STOX2: variants seen among roughly 807,000 people sequenced by gnomAD.
STOX2 encodes the protein storkhead box 2.
Under a neutral mutation model 60.9 loss-of-function variants are expected in STOX2, and 28 were observed. That is an observed-to-expected ratio of 0.46 (90% CI 0.34 to 0.63). STOX2 has a LOEUF of 0.63. Ranked by LOEUF, STOX2 falls within the 30% of genes least tolerant of loss-of-function variation. STOX2 has a pLI of 0.01. For synonymous variants in STOX2, 472 were observed against 463.9 expected, an observed-to-expected ratio of 1.02 and a Z score of -0.22; for missense variants, 1,024 against 1,187.7, an observed-to-expected ratio of 0.86 and a Z score of 2.03.
At position 183,979,268 on chromosome 4, in the gene STOX2, C is replaced by G. The variant is rs184414814; in HGVS notation, c.167-22057C>G. Among the ~76,000 whole-genome samples, 11 of 152,280 alleles carry G rather than the reference C, an allele frequency of 7.2e-5. No homozygotes were observed. The East Asian group carries it at 1.7e-3, about 24-fold the overall frequency. ...GCTACACACTGTTAAACAACCAGAT[C>G]TCAGAATAACTCACTCACTCACTGT... On this transcript the variant is annotated intron_variant, in intron 1 of 3. Transcript: ENST00000308497.
At chr4:183,902,356 G>A (rs1741480707), upstream of STOX2, among the ~76,000 whole-genome samples, 1 of 152,180 alleles carries the variant, frequency 6.6e-6, no homozygotes, top group African/African-American at 2.4e-5. Flanking sequence ...GCAAATCTGT[G>A]TAATTAGTGT....
chr4:183,890,407 C>T lies in STOX2; in HGVS notation c.364+92352C>T, dbSNP rs141653044. Among the ~76,000 whole-genome samples, 609 of 149,078 alleles carry T rather than the reference C, an allele frequency of 4.1e-3. 3 individuals are homozygous for T. The highest frequency in any genetic ancestry group is 0.014 in the African/African-American group (577 of 40,532). On this transcript the variant is annotated intron_variant, in intron 1 of 2. Coordinates refer to the STOX2 transcript ENST00000513034. ...CCGAGGCGGGAGAATTGCTTGAACCCGGGAGGTGGAGGCTGCAGTGAGCCA... is the reference window on the plus strand; with the variant it reads ...CCGAGGCGGGAGAATTGCTTGAACCTGGGAGGTGGAGGCTGCAGTGAGCCA...
chr4:183,861,745 G>A (rs1208320793), intron 1 of STOX2, among the ~76,000 whole-genome samples: 2 of 152,146 alleles, frequency 1.3e-5, no homozygotes, highest in Non-Finnish European at 2.9e-5. Flanking sequence ...CTCATTGTGG[G>A]TCCTCAAAAA....
intron 1 of STOX2, among the ~76,000 whole-genome samples, chr4:183,826,116 T>C (rs549431530): frequency 6.6e-6 from 1 of 151,938 alleles, no homozygotes; most frequent in East Asian, 1.9e-4. Context: ...AGACCAGGAG[T>C]GGGGCTGGGG....
chr4:183,942,336 G>GT (rs11295405), intron 1 of STOX2, among the ~76,000 whole-genome samples: 5,478 of 130,548 alleles, frequency 0.042, 282 homozygotes, highest in African/African-American at 0.13. Context: ...AGGCTTCTAG[G>GT]TTTTTTTTTT....
chr4:183,923,882 T>A (rs1369101547), intron 1 of STOX2, among the ~76,000 whole-genome samples: 1 of 152,140 alleles, frequency 6.6e-6, no homozygotes, highest in Non-Finnish European at 1.5e-5. Context: ...GTTCTAGATA[T>A]ACCCTCCGGA....
At chr4:183,915,990 G>C (rs1400167302) in intron 1 of STOX2, among the ~76,000 whole-genome samples, 1 of 152,262 alleles carries the variant, frequency 6.6e-6, no homozygotes, top group Non-Finnish European at 1.5e-5. Flanking sequence ...TCTCTGTGAA[G>C]ATGCTGAAAT....
chr4:183,986,435 AC>A, intron 1 of STOX2, among the ~76,000 whole-genome samples: 1 of 152,364 alleles, frequency 6.6e-6, no homozygotes, highest in East Asian at 1.9e-4. Context: ...GGAAATGGAT[AC>A]GCCAGACCAG....
chr4:183,947,064 A>G (rs2111137759), intron 1 of STOX2, among the ~76,000 whole-genome samples: 1 of 112,190 alleles, frequency 8.9e-6, no homozygotes, highest in Admixed American at 1.1e-4. Flanking sequence ...CCATCCGTGG[A>G]TTTCGGTATC....
intron 1 of STOX2, among the ~76,000 whole-genome samples, chr4:183,849,295 CA>C (rs1213835981): frequency 6.6e-6 from 1 of 152,216 alleles, no homozygotes; most frequent in Non-Finnish European, 1.5e-5. Context: ...GTGGAACTAG[CA>C]GCCACTGCTA....
intron 1 of STOX2, among the ~76,000 whole-genome samples, chr4:183,867,210 A>G (rs1740589327): frequency 6.6e-6 from 1 of 152,206 alleles, no homozygotes; most frequent in Admixed American, 6.5e-5. Flanking sequence ...TTTAGAAAAT[A>G]GTTTTTCTCT....
intron 1 of STOX2, among the ~76,000 whole-genome samples, chr4:183,814,105 T>C (rs1157701563): frequency 1.3e-5 from 2 of 152,208 alleles, no homozygotes; most frequent in Admixed American, 6.5e-5. Context: ...ATTACACAAT[T>C]TTTAAGGAAG....
At chr4:183,883,914 C>T (rs1285482043) in intron 1 of STOX2, among the ~76,000 whole-genome samples, 4 of 150,722 alleles carry the variant, frequency 2.7e-5, no homozygotes, top group African/African-American at 7.3e-5. Flanking sequence ...TGCAGTGGTG[C>T]GATCTCATCT....
At chr4:183,980,699 GTT>G (rs5864862) in intron 1 of STOX2, among the ~76,000 whole-genome samples, 24 of 148,928 alleles carry the variant, frequency 1.6e-4, no homozygotes, top group African/African-American at 4.7e-4. Context: ...CTTATTCATA[GTT>G]TTTTTTTTTT....
rs1410070448 is a variant in STOX2 at position 184,023,374 on chromosome 4, T to G, written c.*6090T>G. 1 of 152,060 alleles carries G rather than the reference T, an allele frequency of 6.6e-6. No homozygotes were observed. The highest frequency in any genetic ancestry group is 6.5e-5 in the Admixed American group (1 of 15,268). 9.4% of individuals were successfully genotyped at this position (152,060 alleles called of 1,614,324 possible). A position where few individuals can be genotyped will look rare whatever the true frequency, so the allele number is the denominator to read the frequency against. ...ACTTGTCATGCTTAGTATAATAACT[T>G]AAAAGAAAAAAAAGGACAGGGATTT... On this transcript the variant is annotated 3_prime_UTR_variant, in exon 4 of 4. Transcript: ENST00000308497.
At chr4:183,813,879 T>C (rs1442115296) in intron 1 of STOX2, among the ~76,000 whole-genome samples, 1 of 152,222 alleles carries the variant, frequency 6.6e-6, no homozygotes, top group Non-Finnish European at 1.5e-5. Context: ...AAATTATAAG[T>C]TGAAAAAACT....
Position 183,821,468 on chromosome 4 carries a change from C to T in STOX2, c.364+23413C>T, listed in dbSNP as rs575635633. ...AAAATTGTAATTCCTTTTCTTCTAC[C>T]TGCTGGATATTTTCACCCATGACCC... On this transcript the variant is annotated intron_variant, in intron 1 of 2. Transcript: ENST00000513034. The surrounding 1 kb of genome is among the most constrained non-coding windows in gnomAD (Gnocchi z 4.2). Among the ~76,000 whole-genome samples, 1 of 152,354 alleles carries T rather than the reference C, an allele frequency of 6.6e-6. No homozygotes were observed. Among genetic ancestry groups the T allele is most frequent in the South Asian group, 2.1e-4 (1 of 4,826 alleles).
chr4:183,990,333 A>G (rs1733047878), intron 1 of STOX2, among the ~76,000 whole-genome samples: 1 of 152,186 alleles, frequency 6.6e-6, no homozygotes, highest in Non-Finnish European at 1.5e-5. Flanking sequence ...TTAAGTTTCT[A>G]TTCATTCATG....
Position 183,980,409 on chromosome 4 carries a change from AC to A in STOX2, c.167-20915del, listed in dbSNP as rs140500474. On this transcript the variant is annotated intron_variant, in intron 1 of 3. Transcript: ENST00000308497. ...ACCAGGCGAACACAACAGTCCGGATACTGTTGTCATTCTTGTCAGTAGGGAT... is the reference window on the plus strand; with the variant it reads ...ACCAGGCGAACACAACAGTCCGGATATGTTGTCATTCTTGTCAGTAGGGAT... 3.2e-3 allele frequency among the ~76,000 whole-genome samples: 484 copies of A among 152,346 alleles called. 2 individuals carry two copies. Among genetic ancestry groups the A allele is most frequent in the African/African-American group, 0.011 (461 of 41,584 alleles).
Sources: allele counts gnomAD v4.1 joint callset (sites outside exome capture counted in the v4.1 genomes callset), GRCh38; gene constraint gnomAD v4.1.1; non-coding constraint Gnocchi (gnomAD v3.1); transcripts MANE v1.5; gene names NCBI Gene and HGNC (gene_info 2026-07-23, HGNC 2026-07-21).